The following NAV2 variants were observed in gnomAD, a reference collection of about 807,000 sequenced individuals.
The protein encoded by NAV2 is neuron navigator 2, also known as helicase, APC down-regulated 1.
Under a neutral mutation model 223.2 loss-of-function variants are expected in NAV2, and 54 were observed. The ratio of observed to expected loss-of-function variants is 0.24; its 90% confidence interval spans 0.19 to 0.30. The LOEUF is 0.30. Ranked by LOEUF, NAV2 falls within the 10% of genes least tolerant of loss-of-function variation. NAV2 has a pLI of 1.00. For synonymous variants in NAV2, 1,279 were observed against 1,239.3 expected (o/e 1.03, Z -0.67); for missense variants, 2,806 against 3,147.5 (o/e 0.89, Z 2.60).
At chr11:20,085,998 A>G (rs578021987) in intron 26 of NAV2, among the ~76,000 whole-genome samples, 2 of 152,354 alleles carry the variant, frequency 1.3e-5, no homozygotes, top group Admixed American at 6.5e-5. Context: ...GACCCAAAAA[A>G]TAAATAACAC....
chr11:19,663,707 C>T (rs1473380851), intron 1 of NAV2, among the ~76,000 whole-genome samples: 1 of 152,152 alleles, frequency 6.6e-6, no homozygotes, highest in Non-Finnish European at 1.5e-5. Context: ...TATTTTCTCC[C>T]TCTATTATTC....
At position 19,791,740 on chromosome 11, in the gene NAV2, C is replaced by G. The variant is rs117684497; in HGVS notation, c.268-40744C>G. ...GCACTCAGTCTCCCCAGAAGAAAGC[C>G]TGGCAGGAGAGGAAGGCAGCAAGGT... On this transcript the variant is annotated intron_variant, in intron 1 of 37. Coordinates refer to ENST00000349880, the MANE Select transcript of NAV2 (RefSeq NM_145117.5). Among the ~76,000 whole-genome samples the G allele has an allele frequency of 3.3e-3, 508 of 152,296 alleles. 14 individuals carry two copies. Among genetic ancestry groups the G allele is most frequent in the East Asian group, 0.031 (158 of 5,180 alleles).
At chr11:19,400,135 G>A (rs1437411581) in intron 1 of NAV2, among the ~76,000 whole-genome samples, 4 of 152,186 alleles carry the variant, frequency 2.6e-5, no homozygotes, top group African/African-American at 9.7e-5. Flanking sequence ...GTGTGAATAA[G>A]GGGTAGGCAG....
intron 1 of NAV2, among the ~76,000 whole-genome samples, chr11:19,657,519 T>C (rs759304418): frequency 3.9e-5 from 6 of 152,188 alleles, no homozygotes; most frequent in African/African-American, 2.4e-5. Context: ...AATATGGCCA[T>C]ATCTGAATTG....
At chr11:19,701,415 G>T (rs1333070194) in intron 1 of NAV2, among the ~76,000 whole-genome samples, 3 of 152,144 alleles carry the variant, frequency 2.0e-5, no homozygotes, top group Non-Finnish European at 4.4e-5. Flanking sequence ...AGCCCTTTGT[G>T]GTACCCCTTG....
chr11:20,021,075 C>T (rs1462539386), intron 11 of NAV2, among the ~76,000 whole-genome samples: 1 of 152,160 alleles, frequency 6.6e-6, no homozygotes, highest in East Asian at 1.9e-4. Flanking sequence ...CCATAGCCAG[C>T]CCATGTAAAA....
intron 1 of NAV2, chr11:19,777,787 A>G: frequency 2.3e-6 from 1 of 443,650 alleles, no homozygotes; most frequent in Non-Finnish European, 4.6e-6. Context: ...CCTTCCACCT[A>G]CGAATTCCTG....
rs926430239 is a variant in NAV2 at position 19,998,168 on chromosome 11, A to G, written c.2768+13921A>G. On this transcript the variant is annotated intron_variant, in intron 11 of 37. Transcript: ENST00000349880. This position sits in a 1 kb window ranked among gnomAD's most constrained non-coding sequence, Gnocchi z 5.0. ...CTAAGATAATTGATAAGACTGACTG[A>G]AGAGTTTTCCTCCCCCTTTTCCTTC... 6.6e-6 allele frequency among the ~76,000 whole-genome samples: 1 copy of G among 152,124 alleles called. No homozygotes were observed. Among genetic ancestry groups the G allele is most frequent in the Non-Finnish European group, 1.5e-5 (1 of 68,024 alleles).
chr11:19,874,585 A>T (rs141208404), intron 4 of NAV2, among the ~76,000 whole-genome samples: 2 of 152,310 alleles, frequency 1.3e-5, no homozygotes, highest in East Asian at 1.9e-4. Context: ...ACCAAGCCTC[A>T]TGGAACACAG....
rs2436190 is a variant in NAV2, at chr11:19,998,345, C to T, written c.2768+14098C>T. Among the ~76,000 whole-genome samples the T allele has an allele frequency of 0.12, 18,601 of 151,790 alleles. 1,546 individuals are homozygous for T. Among genetic ancestry groups the T allele is most frequent in the African/African-American group, 0.23 (9,558 of 41,330 alleles). ...GCCATGGTGCAGGGGTCTAGGCTGCCGTCCTCTCTCATCTGAGCTCTCCCA... is the reference window on the plus strand; with the variant it reads ...GCCATGGTGCAGGGGTCTAGGCTGCTGTCCTCTCTCATCTGAGCTCTCCCA... On this transcript the variant is annotated intron_variant, in intron 11 of 37. Transcript: ENST00000349880. This position sits in a 1 kb window ranked among gnomAD's most constrained non-coding sequence, Gnocchi z 5.0.
At chr11:19,766,591 T>C (rs1049117927) in intron 1 of NAV2, among the ~76,000 whole-genome samples, 15 of 152,128 alleles carry the variant, frequency 9.9e-5, no homozygotes, top group African/African-American at 3.4e-4. Flanking sequence ...CAAGTTGGTG[T>C]GGATGGGGGC....
At chr11:19,424,721 T>C (rs1291507113) in intron 1 of NAV2, among the ~76,000 whole-genome samples, 1 of 151,936 alleles carries the variant, frequency 6.6e-6, no homozygotes, top group East Asian at 1.9e-4. Context: ...CTATTTTTTT[T>C]TGTATTTTTA....
chr11:19,734,175 G>A (rs1477350391), intron 1 of NAV2, among the ~76,000 whole-genome samples: 1 of 152,168 alleles, frequency 6.6e-6, no homozygotes, highest in Non-Finnish European at 1.5e-5. Context: ...TGAATTCAAG[G>A]TAACCTATTG....
chr11:19,401,255 G>A (rs1403735930), intron 1 of NAV2, among the ~76,000 whole-genome samples: 1 of 152,192 alleles, frequency 6.6e-6, no homozygotes, highest in Non-Finnish European at 1.5e-5. Flanking sequence ...AGCATTGAAT[G>A]ACCAAATTTC....
chr11:19,829,698 A>C (rs1487510796), intron 1 of NAV2, among the ~76,000 whole-genome samples: 3 of 152,180 alleles, frequency 2.0e-5, no homozygotes, highest in African/African-American at 7.2e-5. Context: ...TGTCAGTTCC[A>C]GAGCACGCCT....
At chr11:19,927,171 A>C (rs909246397) in intron 6 of NAV2, among the ~76,000 whole-genome samples, 5 of 152,202 alleles carry the variant, frequency 3.3e-5, no homozygotes, top group African/African-American at 1.2e-4. Flanking sequence ...CAGTGTTTCA[A>C]ATGAAACTTT....
At chr11:19,993,573 TC>T (rs1256161734) in intron 11 of NAV2, among the ~76,000 whole-genome samples, 6 of 152,064 alleles carry the variant, frequency 3.9e-5, no homozygotes, top group Admixed American at 1.3e-4. Context: ...GCTTGATGTT[TC>T]CCCCCTCCCC....
chr11:19,489,972 C>T (rs1011425136), intron 1 of NAV2, among the ~76,000 whole-genome samples: 1 of 152,146 alleles, frequency 6.6e-6, no homozygotes, highest in Non-Finnish European at 1.5e-5. Flanking sequence ...CAGTTCCAGA[C>T]CAGCGCAATA....
At chr11:19,409,440 A>G (rs1850046209) in intron 1 of NAV2, among the ~76,000 whole-genome samples, 1 of 152,132 alleles carries the variant, frequency 6.6e-6, no homozygotes, top group Non-Finnish European at 1.5e-5. Flanking sequence ...TGGTGGGTGG[A>G]GTCCTGAAGC....
Sources: gnomAD v4.1 joint callset for allele counts (sites outside exome capture counted in the v4.1 genomes callset) on GRCh38, gnomAD v4.1.1 for gene constraint, Gnocchi (gnomAD v3.1) non-coding constraint, MANE v1.5 for transcripts, NCBI Gene and HGNC (gene_info 2026-07-23, HGNC 2026-07-21) for gene names.